PRELID2: variants seen among roughly 807,000 people sequenced by gnomAD.
The protein encoded by PRELID2 is PRELI domain containing 2, also known as PRELI domain-containing protein 2.
Under a neutral mutation model 28.4 loss-of-function variants are expected in PRELID2, and 25 were observed. That is an observed-to-expected ratio of 0.88 (90% CI 0.64 to 1.23). The LOEUF is 1.23. Among genes scored for constraint, PRELID2 ranks in the 50% most tolerant of loss-of-function variants. The pLI, the probability that PRELID2 is intolerant of heterozygous loss-of-function variation, is 0.00. For missense variants in PRELID2, 201 were observed against 214.4 expected (o/e 0.94, Z 0.39); for synonymous variants, 76 against 71.6 (o/e 1.06, Z -0.31).
At chr5:145,476,965 C>T (rs1388851834) in intron 1 of PRELID2, among the ~76,000 whole-genome samples, 1 of 151,992 alleles carries the variant, frequency 6.6e-6, no homozygotes, top group Non-Finnish European at 1.5e-5. Flanking sequence ...AATAGTAGCT[C>T]ATAGAAAAAA....
intron 1 of PRELID2, among the ~76,000 whole-genome samples, chr5:145,709,078 G>GC (rs1755621498): frequency 6.6e-6 from 1 of 152,204 alleles, no homozygotes; most frequent in Non-Finnish European, 1.5e-5. Flanking sequence ...AGACCTGACT[G>GC]CAAGACCACC....
the PRELID2 span, among the ~76,000 whole-genome samples, chr5:145,253,546 A>T: frequency 2.0e-5 from 3 of 152,052 alleles, no homozygotes; most frequent in South Asian, 2.1e-4. Context: ...ATATGGAAAT[A>T]CAAAACTCTC....
chr5:145,435,249 G>A, the PRELID2 span, among the ~76,000 whole-genome samples: 1 of 152,200 alleles, frequency 6.6e-6, no homozygotes, highest in Non-Finnish European at 1.5e-5. Flanking sequence ...AAGAGTGGTT[G>A]AACTCACTAG....
the PRELID2 span, among the ~76,000 whole-genome samples, chr5:145,401,559 C>T: frequency 1.3e-4 from 20 of 152,064 alleles, no homozygotes; most frequent in Admixed American, 8.5e-4. Context: ...CACCTCTTTC[C>T]GCTAGCAGCC....
At chr5:145,711,772 G>A (rs1164925455) in intron 1 of PRELID2, among the ~76,000 whole-genome samples, 2 of 152,100 alleles carry the variant, frequency 1.3e-5, no homozygotes, top group Non-Finnish European at 1.5e-5. Context: ...GAGAGAAATT[G>A]CTCACAGGCA....
At chr5:145,311,534 G>A in the PRELID2 span, among the ~76,000 whole-genome samples, 1 of 152,088 alleles carries the variant, frequency 6.6e-6, no homozygotes, top group Non-Finnish European at 1.5e-5. Flanking sequence ...TAGACTCAGG[G>A]CATGGCCTTG....
chr5:145,255,990 G>GT, the PRELID2 span, among the ~76,000 whole-genome samples: 6 of 151,906 alleles, frequency 3.9e-5, no homozygotes, highest in African/African-American at 1.5e-4. Flanking sequence ...CATTACATTA[G>GT]TTTTTTGTTG....
At chr5:145,825,923 A>T (rs958340862) in intron 1 of PRELID2, 3 of 648,306 alleles carry the variant, frequency 4.6e-6, no homozygotes, top group African/African-American at 2.0e-5. Flanking sequence ...TAATTCATGA[A>T]AATTTACCAA....
intron 1 of PRELID2, among the ~76,000 whole-genome samples, chr5:145,639,168 T>C (rs567421093): frequency 6.6e-6 from 1 of 152,302 alleles, no homozygotes; most frequent in Non-Finnish European, 1.5e-5. Context: ...CTGTAGCTAA[T>C]AGTTAGAAGG....
chr5:145,265,513 C>G, the PRELID2 span, among the ~76,000 whole-genome samples: 2 of 152,194 alleles, frequency 1.3e-5, no homozygotes, highest in African/African-American at 4.8e-5. Flanking sequence ...ACAGCCAAAG[C>G]AAGACTAAGC....
At chr5:145,814,561 G>A (rs1260211085) in intron 4 of PRELID2, among the ~76,000 whole-genome samples, 1 of 152,164 alleles carries the variant, frequency 6.6e-6, no homozygotes, top group African/African-American at 2.4e-5. Context: ...CAGGACCAAA[G>A]TTATGGAGAG....
chr5:145,570,442 GT>G (rs763823462), intron 1 of PRELID2, among the ~76,000 whole-genome samples: 1 of 152,122 alleles, frequency 6.6e-6, no homozygotes, highest in Non-Finnish European at 1.5e-5. Flanking sequence ...TGCAGGAGTA[GT>G]TTTTTAAACA....
At chr5:145,617,339 C>T (rs1581005578) in intron 1 of PRELID2, among the ~76,000 whole-genome samples, 1 of 152,162 alleles carries the variant, frequency 6.6e-6, no homozygotes, top group Admixed American at 6.5e-5. Context: ...TCCATGAAAT[C>T]TTCACAATTT....
At chr5:145,396,808 C>T in the PRELID2 span, among the ~76,000 whole-genome samples, 45 of 149,420 alleles carry the variant, frequency 3.0e-4, 1 homozygote, top group Non-Finnish European at 3.8e-4. Context: ...CTCAATAACA[C>T]GGGTGGAGGA....
In PRELID2 at chr5:145,794,330, G is replaced by T. The variant is rs558444083; in HGVS notation, c.474+2112C>A. 1.3e-4 allele frequency among the ~76,000 whole-genome samples: 20 copies of T among 152,270 alleles called. No individual in the cohort carries two copies. In the South Asian group the frequency reaches 2.5e-3, roughly 19 times the overall value. ...ACTTAGAATGAGCTAGCCTGAAGTG[G>T]TTTCTGTTACTTGCAACCAAATAGT... is the stretch of plus-strand genomic sequence containing the variant. On this transcript the variant is annotated intron_variant, in intron 5 of 6. Transcript: ENST00000683046.
At chr5:145,382,724 C>T in the PRELID2 span, among the ~76,000 whole-genome samples, 1 of 152,044 alleles carries the variant, frequency 6.6e-6, no homozygotes, top group East Asian at 1.9e-4. Flanking sequence ...TTAAGGATCT[C>T]TTATGAGGCT....
chr5:145,597,979 C>T (rs186586428), intron 1 of PRELID2, among the ~76,000 whole-genome samples: 11 of 152,116 alleles, frequency 7.2e-5, no homozygotes, highest in Non-Finnish European at 1.2e-4. Flanking sequence ...ACGTAAGATG[C>T]TATTGGAGAA....
chr5:145,543,112 T>G (rs1752758618), intron 1 of PRELID2, among the ~76,000 whole-genome samples: 1 of 152,118 alleles, frequency 6.6e-6, no homozygotes. Flanking sequence ...AGGTCAAATA[T>G]TCCTACTAGC....
At chr5:145,504,862 C>A (rs937913288) in intron 1 of PRELID2, among the ~76,000 whole-genome samples, 1 of 152,070 alleles carries the variant, frequency 6.6e-6, no homozygotes, top group African/African-American at 2.4e-5. Flanking sequence ...TGGGATGGTG[C>A]CTACCCAGCT....
Sources: gnomAD v4.1 joint callset for allele counts (sites outside exome capture counted in the v4.1 genomes callset) on GRCh38, gnomAD v4.1.1 for gene constraint, MANE v1.5 for transcripts, NCBI Gene and HGNC (gene_info 2026-07-23, HGNC 2026-07-21) for gene names.